FLNB: variants seen among roughly 807,000 people sequenced by gnomAD.
The protein encoded by FLNB is filamin B, also known as filamin-B.
A neutral mutation model predicts 250.6 loss-of-function variants in FLNB; 111 were observed. That is an observed-to-expected ratio of 0.44 (90% CI 0.38 to 0.52). The LOEUF (loss-of-function observed/expected upper bound fraction) is 0.52, where lower values mean the gene tolerates loss of function less well. Among genes scored for constraint, FLNB ranks in the 20% least tolerant of loss-of-function variants. FLNB has a pLI of 0.00. For missense variants in FLNB, 2,869 were observed against 3,447.8 expected (o/e 0.83, Z 4.20); for synonymous variants, 1,302 against 1,372.1 (o/e 0.95, Z 1.13).
intron 24 of FLNB, among the ~76,000 whole-genome samples, chr3:58,127,325 CAAAAAAAAAAA>C (rs879263542): frequency 6.8e-5 from 8 of 117,892 alleles, no homozygotes; most frequent in Non-Finnish European, 7.1e-5. Flanking sequence ...GACCCTGTCT[CAAAAAAAAAAA>C]AAAAGAAAAA....
intron 29 of FLNB, 94 bp downstream of exon 29, chr3:58,138,623 T>A (rs568371496): frequency 8.1e-6 from 12 of 1,478,098 alleles, no homozygotes; most frequent in South Asian, 5.7e-5. Context: ...CCTCTTCACC[T>A]TTTTTTTCCT....
At chr3:58,098,951 G>A (rs769502937) in intron 8 of FLNB, 43 bp downstream of exon 8, 1 of 1,557,074 alleles carries the variant, frequency 6.4e-7, no homozygotes, top group Non-Finnish European at 8.9e-7. Context: ...TCATAGGGAA[G>A]CTGACTGCAC....
chr3:58,035,351 A>T (rs1191592765), intron 1 of FLNB, among the ~76,000 whole-genome samples: 2 of 152,216 alleles, frequency 1.3e-5, no homozygotes, highest in Non-Finnish European at 2.9e-5. Flanking sequence ...GATATGAAAT[A>T]AAATCTGACT....
At position 58,126,585 on chromosome 3, in the gene FLNB, T is replaced by A. The variant is rs2097298315; in HGVS notation, c.4062-17T>A. On this transcript the variant is annotated splice_polypyrimidine_tract_variant and intron_variant, in intron 23 of 45. Transcript: ENST00000295956. ...AATAAATGGTGCACATTTCACTTTC[T>A]TTTCCACTCTTTCCAGAGGCGCAGG... 1 of 1,613,082 alleles carries A rather than the reference T, an allele frequency of 6.2e-7. No individual in the cohort carries two copies. The highest frequency in any genetic ancestry group is 1.3e-5 in the African/African-American group (1 of 74,850).
At chr3:58,134,365 A>C (rs533394095) in intron 26 of FLNB, among the ~76,000 whole-genome samples, 71 of 152,338 alleles carry the variant, frequency 4.7e-4, no homozygotes, top group African/African-American at 1.6e-3. Flanking sequence ...CTACGAAACC[A>C]GTCCCTAGTG....
At chr3:58,113,071 C>A (rs1390307004) in intron 18 of FLNB, among the ~76,000 whole-genome samples, 1 of 152,184 alleles carries the variant, frequency 6.6e-6, no homozygotes, top group Non-Finnish European at 1.5e-5. Context: ...ACCGTCTTAA[C>A]CATTTTTAAG....
chr3:58,168,877 A>C, intron 44 of FLNB: 1 of 582,774 alleles, frequency 1.7e-6, no homozygotes, highest in East Asian at 3.0e-5. Context: ...TTAGGATGTT[A>C]GGTGGTTTTC....
chr3:58,103,991 T>A lies in FLNB; in HGVS notation c.1516T>A (p.Phe506Ile). Residue 506 changes from phenylalanine to isoleucine, a missense_variant, in exon 10 of 46, where the codon TTT becomes ATT. Around this residue, in one of 5 missense-constraint regions of FLNB, gnomAD observed 1,348 missense variants for 1,466.7 expected, o/e 0.92. Transcript: ENST00000295956. Reference protein sequence around the residue: ...GLEELVKQKDFLDGVYAFEYY... With the variant: ...GLEELVKQKDILDGVYAFEYY... Reference sequence around the variant, plus strand: ...GGAGGAGCTGGTGAAGCAGAAAGACTTTCTGGATGGGGTCTACGCATTCGA... The same window carrying A: ...GGAGGAGCTGGTGAAGCAGAAAGACATTCTGGATGGGGTCTACGCATTCGA... The A allele has an allele frequency of 6.2e-7, 1 of 1,614,088 alleles. No individual in the cohort carries two copies. The highest frequency in any genetic ancestry group is 8.5e-7 in the Non-Finnish European group (1 of 1,180,004).
Position 58,142,840 on chromosome 3 carries a change from C to G in FLNB, c.5284+88C>G. ...GCTGGGGAGGTGTGTCCACTGTCCCCCAGACCCAGGCTCCTTAACCCAGGG... is the reference window on the plus strand; with the variant it reads ...GCTGGGGAGGTGTGTCCACTGTCCCGCAGACCCAGGCTCCTTAACCCAGGG... On this transcript the variant is annotated intron_variant, in intron 31 of 45. Transcript: ENST00000295956. The surrounding 1 kb of genome is among the most constrained non-coding windows in gnomAD (Gnocchi z 4.3). 2 of 1,171,348 alleles carry G rather than the reference C, an allele frequency of 1.7e-6. No homozygotes were observed. Among genetic ancestry groups the G allele is most frequent in the Non-Finnish European group, 2.5e-6 (2 of 787,908 alleles). The allele number at this position is 1,171,348 out of a possible 1,614,324, so 72.6% of individuals were successfully genotyped here.
In FLNB at chr3:58,121,242, G is replaced by A. The variant is rs755956037; in HGVS notation, c.2865G>A (p.Arg955=). Residue 955 remains arginine, a splice_region_variant and synonymous_variant, in exon 20 of 46, where the codon AGG becomes AGA. Transcript: ENST00000295956. ...SKIKLNGLEN[R]VEVGKDQEFT... is the part of the protein sequence containing the mutation. ...CCTCAGCTTGTGTTTCTTTTCCAGG[G>A]GTGGAAGTTGGGAAGGATCAGGAGT... The A allele has an allele frequency of 3.5e-5, 56 of 1,614,174 alleles. No homozygotes were observed. The South Asian group carries it at 5.2e-4, about 15-fold the overall frequency.
chr3:58,149,284 AT>A (rs2097341025), intron 36 of FLNB: 1 of 272,224 alleles, frequency 3.7e-6, no homozygotes, highest in African/African-American at 2.2e-5. Flanking sequence ...TTTGAGTTAG[AT>A]TGTGTCTCTT....
intron 43 of FLNB, among the ~76,000 whole-genome samples, chr3:58,166,685 G>A (rs750454387): frequency 6.6e-6 from 1 of 152,078 alleles, no homozygotes; most frequent in African/African-American, 2.4e-5. Flanking sequence ...AGCCAGGCGT[G>A]GTGGTGCATG....
intron 1 of FLNB, among the ~76,000 whole-genome samples, chr3:58,049,271 A>G (rs1475778128): frequency 6.6e-6 from 1 of 152,058 alleles, no homozygotes; most frequent in Non-Finnish European, 1.5e-5. Flanking sequence ...GATGGCCACC[A>G]TTTGTGTTTG....
chr3:58,167,313 G>GT (rs2097372361), intron 43 of FLNB, among the ~76,000 whole-genome samples: 1 of 152,182 alleles, frequency 6.6e-6, no homozygotes, highest in African/African-American at 2.4e-5. Context: ...GATAGTGTTG[G>GT]GGGTGGACCT....
chr3:58,081,086 C>T (rs1427110187), intron 3 of FLNB, among the ~76,000 whole-genome samples: 9 of 152,218 alleles, frequency 5.9e-5, no homozygotes, highest in East Asian at 1.9e-4. Flanking sequence ...TGAGCTACCA[C>T]GCCTGGCTTC....
chr3:58,143,709 C>G, intron 32 of FLNB, 96 bp downstream of exon 32: 1 of 1,484,362 alleles, frequency 6.7e-7, no homozygotes, highest in South Asian at 1.2e-5. Flanking sequence ...GAGCAGCTCT[C>G]GGCAGCAGGC....
intron 1 of FLNB, among the ~76,000 whole-genome samples, chr3:58,020,489 C>T (rs1297135721): frequency 6.6e-6 from 1 of 152,172 alleles, no homozygotes; most frequent in Non-Finnish European, 1.5e-5. Flanking sequence ...TCCGTCCAGC[C>T]CATTCAGGGC....
chr3:58,114,071 G>T (rs150359214), intron 18 of FLNB, among the ~76,000 whole-genome samples: 1 of 152,224 alleles, frequency 6.6e-6, no homozygotes, highest in East Asian at 1.9e-4. Context: ...TTTCGAGGCT[G>T]CATTCCACTG....
At chr3:58,077,499 T>G (rs1446566212) in intron 2 of FLNB, among the ~76,000 whole-genome samples, 1 of 152,224 alleles carries the variant, frequency 6.6e-6, no homozygotes. Context: ...TCCATAGACA[T>G]GTTTGAGCAT....
Sources: gnomAD v4.1 joint callset for allele counts (sites outside exome capture counted in the v4.1 genomes callset) on GRCh38, gnomAD v4.1.1 for gene constraint, gnomAD v4.1.1 regional missense constraint, Gnocchi (gnomAD v3.1) non-coding constraint, MANE v1.5 for transcripts, NCBI Gene and HGNC (gene_info 2026-07-23, HGNC 2026-07-21) for gene names.